The following SLC7A14 variants were observed in gnomAD, a reference collection of about 807,000 sequenced individuals.
The protein encoded by SLC7A14 is solute carrier family 7 member 14.
Under a neutral mutation model 60.2 loss-of-function variants are expected in SLC7A14, and 37 were observed. The observed-to-expected ratio is 0.61, with a 90% CI of 0.47 to 0.81. SLC7A14 has a LOEUF of 0.81. SLC7A14 is among the 30% of genes least tolerant of loss of function. The pLI, the probability that SLC7A14 is intolerant of heterozygous loss-of-function variation, is 0.00. For missense variants in SLC7A14, 886 were observed against 982.7 expected, an observed-to-expected ratio of 0.90 and a Z score of 1.32; for synonymous variants, 399 against 395.8, an observed-to-expected ratio of 1.01 and a Z score of -0.10.
intron 4 of SLC7A14, among the ~76,000 whole-genome samples, chr3:170,493,708 A>G (rs1712294959): frequency 6.6e-6 from 1 of 152,218 alleles, no homozygotes; most frequent in Non-Finnish European, 1.5e-5. Context: ...AATAGGGTCT[A>G]AATTCAAAAT....
At chr3:170,471,383 T>C (rs55853796) in intron 7 of SLC7A14, among the ~76,000 whole-genome samples, 11,759 of 152,214 alleles carry the variant, frequency 0.077, 1,338 homozygotes, top group African/African-American at 0.25. Flanking sequence ...GCTCCCTTCA[T>C]GCTCCCTCCC....
At chr3:170,575,693 A>C (rs1230265448) in intron 1 of SLC7A14, among the ~76,000 whole-genome samples, 1 of 152,206 alleles carries the variant, frequency 6.6e-6, no homozygotes, top group African/African-American at 2.4e-5. Context: ...TCTAGCTCTT[A>C]TACTGCCACA....
At chr3:170,510,235 CA>C (rs1413501315) in intron 2 of SLC7A14, among the ~76,000 whole-genome samples, 1 of 149,818 alleles carries the variant, frequency 6.7e-6, no homozygotes, top group Non-Finnish European at 1.5e-5. Flanking sequence ...ACTAAAAATA[CA>C]AAAATTAGCT....
At chr3:170,516,438 G>T (rs1363983855) in intron 2 of SLC7A14, among the ~76,000 whole-genome samples, 1 of 151,930 alleles carries the variant, frequency 6.6e-6, no homozygotes, top group East Asian at 1.9e-4. Context: ...AAATTTAGGG[G>T]TGGGCCAGGC....
At chr3:170,565,849 A>G (rs1428585244) in intron 1 of SLC7A14, among the ~76,000 whole-genome samples, 2 of 152,124 alleles carry the variant, frequency 1.3e-5, no homozygotes, top group African/African-American at 4.8e-5. Context: ...AAAATACTGC[A>G]TCAGAAGAGT....
chr3:170,526,979 G>T lies in SLC7A14; in HGVS notation c.-43C>A. 6.4e-7 allele frequency: 1 copy of T among 1,570,364 alleles called. No individual in the cohort carries two copies. ...GCAGTGAAGGTCAGCTGATGGAAGG[G>T]GGCTACAAAGCCTTAGTGGATGGTT... is the stretch of plus-strand genomic sequence containing the variant. On this transcript the variant is annotated 5_prime_UTR_variant, in exon 2 of 8. Coordinates refer to ENST00000231706, the MANE Select transcript of SLC7A14 (RefSeq NM_020949.3).
intron 1 of SLC7A14, among the ~76,000 whole-genome samples, chr3:170,534,672 A>G (rs1163592532): frequency 6.6e-6 from 1 of 152,230 alleles, no homozygotes; most frequent in African/African-American, 2.4e-5. Flanking sequence ...TTAAAGATAT[A>G]AATAATGATT....
In SLC7A14 at chr3:170,465,420, CATTGGGTCT is replaced by C. The variant is rs1479343860; in HGVS notation, c.*1626_*1634del. The C allele has an allele frequency of 3.3e-5, 5 of 152,338 alleles. No homozygotes were observed. The highest frequency in any genetic ancestry group is 9.6e-5 in the African/African-American group (4 of 41,568). The allele number at this position is 152,338 out of a possible 1,614,324, so 9.4% of individuals were successfully genotyped here. A position where few individuals can be genotyped will look rare whatever the true frequency, so the allele number is the denominator to read the frequency against. On this transcript the variant is annotated 3_prime_UTR_variant, in exon 8 of 8. Transcript: ENST00000231706. ...GCTTCTATTCATTCCTGTCACTTAG[CATTGGGTCT>C]ATTCTCAACCAGTGTTAGTTGAATG...
At chr3:170,577,301 C>T (rs1214888368) in intron 1 of SLC7A14, among the ~76,000 whole-genome samples, 1 of 152,144 alleles carries the variant, frequency 6.6e-6, no homozygotes, top group African/African-American at 2.4e-5. Context: ...CTAGGCCATC[C>T]CGCTCCCCAC....
intron 1 of SLC7A14, among the ~76,000 whole-genome samples, chr3:170,546,744 GC>G (rs1478228125): frequency 1.3e-5 from 2 of 152,126 alleles, no homozygotes; most frequent in African/African-American, 4.8e-5. Context: ...TGGACAGCTT[GC>G]CTTAGAGGGT....
intron 1 of SLC7A14, among the ~76,000 whole-genome samples, chr3:170,570,832 T>C (rs1487233563): frequency 3.3e-5 from 5 of 152,186 alleles, no homozygotes; most frequent in African/African-American, 4.8e-5. Context: ...ATACTTTTTT[T>C]CCAAACCACC....
intron 1 of SLC7A14, among the ~76,000 whole-genome samples, chr3:170,547,016 C>G (rs1033993302): frequency 2.0e-5 from 3 of 152,158 alleles, no homozygotes; most frequent in African/African-American, 7.2e-5. Flanking sequence ...TGAGTGGGAA[C>G]CTGGCATCAG....
At chr3:170,529,274 G>T (rs1713604206) in intron 1 of SLC7A14, among the ~76,000 whole-genome samples, 2 of 152,118 alleles carry the variant, frequency 1.3e-5, no homozygotes, top group Non-Finnish European at 2.9e-5. Context: ...ATGTGTGTGT[G>T]TTTTATAAAT....
At chr3:170,531,346 C>G (rs537078464) in intron 1 of SLC7A14, among the ~76,000 whole-genome samples, 2 of 152,010 alleles carry the variant, frequency 1.3e-5, no homozygotes, top group South Asian at 4.2e-4. Flanking sequence ...GGCTACTTGT[C>G]CTGTTCAGCC....
chr3:170,510,960 G>A (rs535207900), intron 2 of SLC7A14, among the ~76,000 whole-genome samples: 3 of 152,312 alleles, frequency 2.0e-5, no homozygotes, highest in African/African-American at 7.2e-5. Context: ...AGCATCAGCA[G>A]CCCCTTCTTA....
chr3:170,511,337 C>T lies in SLC7A14; in HGVS notation c.305-9992G>A, dbSNP rs541610417. ...GCTTGAACCTGGGAGGTGGAGGTTG[C>T]GGTGAGCCGAGATCATGCCATTGCA... On this transcript the variant is annotated intron_variant, in intron 2 of 7. Coordinates refer to ENST00000231706, the MANE Select transcript of SLC7A14 (RefSeq NM_020949.3). Among the ~76,000 whole-genome samples, 6 of 151,546 alleles carry T rather than the reference C, an allele frequency of 4.0e-5. No homozygotes were observed. The East Asian group carries it at 7.8e-4, about 20-fold the overall frequency.
intron 1 of SLC7A14, among the ~76,000 whole-genome samples, chr3:170,561,925 A>G (rs1714665446): frequency 1.3e-5 from 2 of 152,238 alleles, no homozygotes; most frequent in African/African-American, 2.4e-5. Context: ...GGAAATGCAA[A>G]TAAAACCACA....
intron 1 of SLC7A14, among the ~76,000 whole-genome samples, chr3:170,544,693 A>AGTGGAAAT (rs1230928887): frequency 6.6e-6 from 1 of 152,244 alleles, no homozygotes; most frequent in African/African-American, 2.4e-5. Flanking sequence ...GCACCATAAA[A>AGTGGAAAT]GTGGAAATGT....
At chr3:170,527,204 T>G (rs989130674) in intron 1 of SLC7A14, 116 bp from the exon 2 acceptor site, 1 of 495,350 alleles carries the variant, frequency 2.0e-6, no homozygotes, top group African/African-American at 1.9e-5. Flanking sequence ...ACCCGTGTGC[T>G]CATAACACGG....
Sources: allele counts gnomAD v4.1 joint callset (sites outside exome capture counted in the v4.1 genomes callset), GRCh38; gene constraint gnomAD v4.1.1; transcripts MANE v1.5; gene names NCBI Gene and HGNC (gene_info 2026-07-23, HGNC 2026-07-21).